Variants in PCNP observed in about 807,000 individuals in gnomAD.
PCNP encodes the protein PEST proteolytic signal containing nuclear protein.
Under a neutral mutation model 21.8 loss-of-function variants are expected in PCNP, and 6 were observed. That is an observed-to-expected ratio of 0.28 (90% CI 0.15 to 0.54). PCNP has a LOEUF of 0.54. Among genes scored for constraint, PCNP ranks in the 20% least tolerant of loss-of-function variants. The pLI is 0.95. For synonymous variants in PCNP, 67 were observed against 73.2 expected (o/e 0.92, Z 0.43); for missense variants, 161 against 215.5 (o/e 0.75, Z 1.58).
chr3:101,576,980 C>A (rs73157306), intron 1 of PCNP: 1 of 982,886 alleles, frequency 1.0e-6, no homozygotes, highest in East Asian at 2.4e-5. Flanking sequence ...TGTAGGCCTC[C>A]TGTGGAGGAG....
chr3:101,574,306 A>C, intron 1 of PCNP, 27 bp downstream of exon 1: 1 of 1,405,686 alleles, frequency 7.1e-7, no homozygotes, highest in Non-Finnish European at 9.5e-7. Flanking sequence ...CGTCGTGGGC[A>C]GCGTGGGATG....
In PCNP at chr3:101,592,616, T is replaced by C. The variant is rs911942052; in HGVS notation, c.411-11T>C. On this transcript the variant is annotated splice_polypyrimidine_tract_variant and intron_variant, in intron 4 of 4. Coordinates refer to ENST00000265260, the MANE Select transcript of PCNP (RefSeq NM_020357.3). Reference sequence around the variant, plus strand: ...TAACATTTTAAATAAATTTTCTTTCTTTTAACACAGGGATACACCAACATC... The same window carrying C: ...TAACATTTTAAATAAATTTTCTTTCCTTTAACACAGGGATACACCAACATC... The C allele has an allele frequency of 6.3e-7, 1 of 1,580,682 alleles. No individual in the cohort carries two copies.
In PCNP at chr3:101,579,906, C is replaced by T. The variant is rs1176849747; in HGVS notation, c.181C>T (p.Leu61Phe). The T allele has an allele frequency of 6.2e-7, 1 of 1,614,020 alleles. No homozygotes were observed. The highest frequency in any genetic ancestry group is 2.2e-5 in the East Asian group (1 of 44,888). ...ATCAGCTGAAGAAGAAGCTGCCGAC[C>T]TCCCAACAAAGCCTACAAAGATCTC... ...KRSAEEEAAD[L>F]PTKPTKISKF... Residue 61 changes from leucine to phenylalanine, a missense_variant, in exon 2 of 5, where the codon CTC becomes TTC. Transcript: ENST00000265260.
chr3:101,577,681 C>T lies in PCNP; in HGVS notation c.65-2109C>T, dbSNP rs557059150. Among the ~76,000 whole-genome samples, 8 of 152,280 alleles carry T rather than the reference C, an allele frequency of 5.3e-5. No homozygotes were observed. The South Asian group carries it at 1.7e-3, about 32-fold the overall frequency. On this transcript the variant is annotated intron_variant, in intron 1 of 4. Coordinates refer to ENST00000265260, the MANE Select transcript of PCNP (RefSeq NM_020357.3). Reference sequence around the variant, plus strand: ...CTGGGATTACAGGCCCTTGTCACCACGCCCATCTTAATTTGTACTTTTAGT... The same window carrying T: ...CTGGGATTACAGGCCCTTGTCACCATGCCCATCTTAATTTGTACTTTTAGT...
chr3:101,585,626 G>A (rs1328841383), intron 3 of PCNP, 115 bp downstream of exon 3: 4 of 608,470 alleles, frequency 6.6e-6, no homozygotes, highest in African/African-American at 5.7e-5. Flanking sequence ...TAGTTTTTGT[G>A]TCTGTGTGTG....
chr3:101,585,669 A>G (rs556601183), intron 3 of PCNP, among the ~76,000 whole-genome samples, 158 bp downstream of exon 3: 3 of 152,126 alleles, frequency 2.0e-5, no homozygotes, highest in Non-Finnish European at 2.9e-5. Flanking sequence ...CTATTTTTGC[A>G]TTTTATTTGG....
intron 4 of PCNP, among the ~76,000 whole-genome samples, chr3:101,592,070 A>G (rs1299928184): frequency 6.6e-6 from 1 of 152,028 alleles, no homozygotes; most frequent in African/African-American, 2.4e-5. Context: ...AAAACTACAG[A>G]TTTATCCTCA....
chr3:101,576,422 A>T (rs878936623), intron 1 of PCNP: 9 of 1,235,298 alleles, frequency 7.3e-6, no homozygotes, highest in Admixed American at 2.9e-5. Flanking sequence ...TTTATTTTTT[A>T]TTTTTTTTAT....
At chr3:101,576,846 C>A in intron 1 of PCNP, 1 of 1,609,452 alleles carries the variant, frequency 6.2e-7, no homozygotes. Context: ...GGCCCACACC[C>A]TTAATGGCAG....
intron 4 of PCNP, among the ~76,000 whole-genome samples, 190 bp from the exon 5 acceptor site, chr3:101,592,437 G>A (rs533327082): frequency 6.6e-6 from 1 of 152,190 alleles, no homozygotes; most frequent in South Asian, 2.1e-4. Flanking sequence ...ACCTCCCAAA[G>A]TGCTGGGATT....
chr3:101,579,619 A>G, intron 1 of PCNP, 171 bp from the exon 2 acceptor site: 1 of 716,168 alleles, frequency 1.4e-6, no homozygotes, highest in Non-Finnish European at 2.6e-6. Flanking sequence ...CTACTGCCAC[A>G]CAATCTCAGT....
In PCNP at chr3:101,585,478, T is replaced by C. The variant is rs759379685; in HGVS notation, c.321T>C (p.Leu107=). ...TTCCAACTCTTGCTCCAAAAACTCT[T>C]TCAGTAGCAGCAGCTTTTAATGAAG... ...ETVPTLAPKT[L]SVAAAFNEDE... is the part of the protein sequence containing the mutation. Residue 107 remains leucine, a synonymous_variant, in exon 3 of 5, where the codon CTT becomes CTC. Coordinates refer to ENST00000265260, the MANE Select transcript of PCNP (RefSeq NM_020357.3). 6.2e-7 allele frequency: 1 copy of C among 1,608,934 alleles called. No individual in the cohort carries two copies. Among genetic ancestry groups the C allele is most frequent in the East Asian group, 2.2e-5 (1 of 44,688 alleles).
At chr3:101,585,856 A>G (rs1935468802) in intron 3 of PCNP, among the ~76,000 whole-genome samples, 2 of 152,146 alleles carry the variant, frequency 1.3e-5, no homozygotes. Context: ...ATGATACATT[A>G]TGCATGCATT....
At chr3:101,578,347 T>G (rs1935042126) in intron 1 of PCNP, among the ~76,000 whole-genome samples, 1 of 152,374 alleles carries the variant, frequency 6.6e-6, no homozygotes, top group Admixed American at 6.5e-5. Context: ...TGCATCATAC[T>G]CTTTCAGAGA....
At chr3:101,589,575 C>A (rs1935703972) in intron 3 of PCNP, among the ~76,000 whole-genome samples, 1 of 151,946 alleles carries the variant, frequency 6.6e-6, no homozygotes, top group Admixed American at 6.6e-5. Context: ...CACACCTGGC[C>A]AATTTTTTAT....
rs1201881225 is a variant in PCNP, at chr3:101,594,062, C to T, written c.*1309C>T. 3.3e-5 allele frequency: 5 copies of T among 152,434 alleles called. No individual in the cohort carries two copies. Among genetic ancestry groups the T allele is most frequent in the Non-Finnish European group, 5.9e-5 (4 of 68,016 alleles). The allele number at this position is 152,434 out of a possible 1,614,324, so 9.4% of individuals were successfully genotyped here. On this transcript the variant is annotated 3_prime_UTR_variant, in exon 5 of 5. Transcript: ENST00000265260. ...ACAATATTATATTTGGAGGCAGCTTCAGACTGTTTTATTGGTGGTAGCTGC... is the reference window on the plus strand; with the variant it reads ...ACAATATTATATTTGGAGGCAGCTTTAGACTGTTTTATTGGTGGTAGCTGC...
chr3:101,574,208 C>G lies in PCNP; in HGVS notation c.-8C>G. ...GGCGTGGCTGCAGGGGAGGCCGCGG[C>G]GGGGAAAATGGCGGACGGGAAGGCG... On this transcript the variant is annotated 5_prime_UTR_variant, in exon 1 of 5. Coordinates refer to ENST00000265260, the MANE Select transcript of PCNP (RefSeq NM_020357.3). 4.5e-6 allele frequency: 7 copies of G among 1,548,908 alleles called. No homozygotes were observed. The highest frequency in any genetic ancestry group is 5.2e-6 in the Non-Finnish European group (6 of 1,145,608).
At chr3:101,586,537 C>T (rs866481922) in intron 3 of PCNP, among the ~76,000 whole-genome samples, 4 of 56,836 alleles carry the variant, frequency 7.0e-5, no homozygotes, top group South Asian at 7.3e-4. Flanking sequence ...CATATGTGGG[C>T]GTATATTCGT....
At chr3:101,591,393 C>T (rs1935797126) in intron 4 of PCNP, among the ~76,000 whole-genome samples, 1 of 152,080 alleles carries the variant, frequency 6.6e-6, no homozygotes, top group African/African-American at 2.4e-5. Context: ...TATTTAACTA[C>T]CAGTATGATA....
Sources: allele counts gnomAD v4.1 joint callset (sites outside exome capture counted in the v4.1 genomes callset), GRCh38; gene constraint gnomAD v4.1.1; transcripts MANE v1.5; gene names NCBI Gene and HGNC (gene_info 2026-07-23, HGNC 2026-07-21).